The following ERC1 variants were observed in gnomAD, a reference collection of about 807,000 sequenced individuals.
ERC1 encodes the protein RAB6 interacting protein 2.
In ERC1, 56 loss-of-function variants were observed where a neutral mutation model predicts 132.0. That is an observed-to-expected ratio of 0.42 (90% CI 0.34 to 0.53). ERC1 has a LOEUF of 0.53. Among genes scored for constraint, ERC1 ranks in the 20% least tolerant of loss-of-function variants. The probability of loss-of-function intolerance (pLI) is 0.03; values close to 1 mark genes in which losing one functional copy is unlikely to be tolerated. For missense variants in ERC1, 1,202 were observed against 1,349.9 expected, an observed-to-expected ratio of 0.89 and a Z score of 1.72; for synonymous variants, 478 against 476.1, an observed-to-expected ratio of 1.00 and a Z score of -0.05.
intron 15 of ERC1, among the ~76,000 whole-genome samples, chr12:1,354,130 A>T (rs2085297348): frequency 6.6e-6 from 1 of 151,552 alleles, no homozygotes; most frequent in Non-Finnish European, 1.5e-5. Context: ...AGTGCTGATC[A>T]TTCCCACGTA....
chr12:1,386,969 G>C (rs1382701393), intron 16 of ERC1: 1 of 152,008 alleles, frequency 6.6e-6, no homozygotes, highest in Non-Finnish European at 1.5e-5. Flanking sequence ...CCTTGAGTCA[G>C]AGGATTGTTC....
At chr12:1,297,539 A>T (rs1017637586) in intron 15 of ERC1, among the ~76,000 whole-genome samples, 3 of 48,804 alleles carry the variant, frequency 6.1e-5, no homozygotes, top group African/African-American at 2.9e-4. Context: ...CTGTTTCTAC[A>T]AAAAAAAAAA....
chr12:1,397,322 A>G (rs1265782282), intron 16 of ERC1, among the ~76,000 whole-genome samples: 7 of 152,190 alleles, frequency 4.6e-5, no homozygotes, highest in African/African-American at 1.7e-4. Flanking sequence ...GGTCCCACAG[A>G]CACATCTTCA....
At chr12:1,411,586 T>C (rs1180442929) in intron 17 of ERC1, among the ~76,000 whole-genome samples, 3 of 152,180 alleles carry the variant, frequency 2.0e-5, no homozygotes, top group African/African-American at 4.8e-5. Flanking sequence ...GGATGCTGCA[T>C]GTCAGAGAAA....
chr12:1,114,068 G>A (rs901631469), intron 6 of ERC1, among the ~76,000 whole-genome samples: 2 of 151,888 alleles, frequency 1.3e-5, no homozygotes, highest in Admixed American at 1.3e-4. Flanking sequence ...TCTGTCGCCA[G>A]GCTGGAGTGC....
At chr12:1,113,634 T>C (rs1360527872) in intron 6 of ERC1, among the ~76,000 whole-genome samples, 2 of 152,166 alleles carry the variant, frequency 1.3e-5, no homozygotes, top group Non-Finnish European at 2.9e-5. Context: ...AAAAGGGAAA[T>C]ATTTTGGTGG....
intron 13 of ERC1, among the ~76,000 whole-genome samples, chr12:1,243,281 A>G (rs1950619920): frequency 2.0e-5 from 3 of 152,138 alleles, no homozygotes; most frequent in Admixed American, 2.0e-4. Context: ...CAAATACGAC[A>G]GCATTTTATA....
intron 12 of ERC1, among the ~76,000 whole-genome samples, chr12:1,216,169 C>G (rs142122316): frequency 6.6e-6 from 1 of 152,056 alleles, no homozygotes; most frequent in Non-Finnish European, 1.5e-5. Flanking sequence ...ATCAGAAACT[C>G]GTAACTTTAT....
intron 8 of ERC1, among the ~76,000 whole-genome samples, chr12:1,180,329 G>A (rs564922662): frequency 6.6e-6 from 1 of 150,610 alleles, no homozygotes; most frequent in East Asian, 1.9e-4. Flanking sequence ...ACTTTTTTTT[G>A]TTTTGCCTAC....
chr12:1,129,777 C>T (rs889551776), intron 7 of ERC1, among the ~76,000 whole-genome samples: 1 of 151,674 alleles, frequency 6.6e-6, no homozygotes, highest in South Asian at 2.1e-4. Flanking sequence ...TACCCAGGAT[C>T]CCTATGGAAA....
chr12:1,325,516 A>G (rs1298640749), intron 15 of ERC1, among the ~76,000 whole-genome samples: 3 of 152,204 alleles, frequency 2.0e-5, no homozygotes, highest in Admixed American at 6.5e-5. Context: ...ATTGGTAAAC[A>G]TATGAATGAG....
intron 18 of ERC1, among the ~76,000 whole-genome samples, chr12:1,489,290 C>CCAGA (rs1477839771): frequency 6.6e-6 from 1 of 152,184 alleles, no homozygotes; most frequent in East Asian, 1.9e-4. Context: ...CTCTGAAGAT[C>CCAGA]CAGACCCCAC....
chr12:1,321,792 G>A (rs1310446409), intron 15 of ERC1, among the ~76,000 whole-genome samples: 1 of 152,158 alleles, frequency 6.6e-6, no homozygotes, highest in African/African-American at 2.4e-5. Flanking sequence ...TCTACACTGT[G>A]AGAAGCATTT....
chr12:1,223,315 C>G (rs1260478250), intron 12 of ERC1, among the ~76,000 whole-genome samples: 1 of 152,210 alleles, frequency 6.6e-6, no homozygotes, highest in Non-Finnish European at 1.5e-5. Context: ...TTTTAAGAGA[C>G]AGAGGCTTAG....
At chr12:1,070,630 A>T (rs1940174595) in intron 2 of ERC1, among the ~76,000 whole-genome samples, 2 of 152,052 alleles carry the variant, frequency 1.3e-5, no homozygotes, top group Non-Finnish European at 2.9e-5. Flanking sequence ...TTGTTAAGAG[A>T]TTCTCTTGAA....
At chr12:1,261,529 A>C (rs1208542182) in intron 13 of ERC1, among the ~76,000 whole-genome samples, 6 of 151,972 alleles carry the variant, frequency 3.9e-5, no homozygotes, top group Admixed American at 2.0e-4. Flanking sequence ...TTCTGAAGAA[A>C]CCACCTTGGC....
intron 15 of ERC1, among the ~76,000 whole-genome samples, chr12:1,315,688 A>G (rs1346401683): frequency 6.6e-6 from 1 of 151,930 alleles, no homozygotes; most frequent in African/African-American, 2.4e-5. Context: ...TTTTTTTACT[A>G]GTTTTATTTC....
intron 16 of ERC1, chr12:1,390,442 AT>A (rs1159127914): frequency 7.9e-5 from 12 of 152,200 alleles, no homozygotes; most frequent in African/African-American, 2.2e-4. Flanking sequence ...AATTTTTCAA[AT>A]TGATAAAAGT....
chr12:1,244,515 T>C (rs1594498562), intron 13 of ERC1: 2 of 451,734 alleles, frequency 4.4e-6, no homozygotes, highest in East Asian at 1.4e-4. Flanking sequence ...TGTTTGTTTG[T>C]TTGTTTGTTT....
Sources: gnomAD v4.1 joint callset for allele counts (sites outside exome capture counted in the v4.1 genomes callset) on GRCh38, gnomAD v4.1.1 for gene constraint, MANE v1.5 for transcripts, NCBI Gene and HGNC (gene_info 2026-07-23, HGNC 2026-07-21) for gene names.